The following ERCC1 variants were observed in gnomAD, a reference collection of about 807,000 sequenced individuals.
The protein encoded by ERCC1 is DNA excision repair protein ERCC-1.
Under a neutral mutation model 37.6 loss-of-function variants are expected in ERCC1, and 36 were observed. The ratio of observed to expected loss-of-function variants is 0.96; its 90% CI spans 0.73 to 1.26. ERCC1 has a LOEUF of 1.26. Ranked by LOEUF, ERCC1 falls within the 50% of genes most tolerant of loss-of-function variation. The pLI is 0.00. For synonymous variants in ERCC1, 156 were observed against 162.1 expected, an observed-to-expected ratio of 0.96 and a Z score of 0.28; for missense variants, 349 against 376.5, an observed-to-expected ratio of 0.93 and a Z score of 0.60.
chr19:45,444,427 A>G (rs925832689), intron 1 of ERCC1, among the ~76,000 whole-genome samples: 6 of 151,566 alleles, frequency 4.0e-5, no homozygotes, highest in Admixed American at 6.6e-5. Flanking sequence ...GCTGCGGCAA[A>G]ACACTGGTCT....
At chr19:45,429,823 C>T (rs1158091703) in intron 1 of ERCC1, among the ~76,000 whole-genome samples, 1 of 152,084 alleles carries the variant, frequency 6.6e-6, no homozygotes, top group African/African-American at 2.4e-5. Flanking sequence ...CTCGCTCTGT[C>T]ACCCAGGCTG....
In ERCC1 at chr19:45,413,979, A is replaced by C; in HGVS notation, c.758T>G (p.Leu253Arg). The change falls in exon 8 of 10, where the codon CTC becomes CGC. Residue 253 changes from leucine (L) to arginine (R), a missense_variant. Coordinates refer to ENST00000300853, the MANE Select transcript of ERCC1 (RefSeq NM_001983.4). The part of the protein sequence containing the change: ...KSVNKTDSQT[L>R]LTTFGSLEQL... Reference sequence around the variant, plus strand: ...ATTCCTTACTCCAAATGTGGTCAGGAGGGTCTGACTGTCCGTTTTGTTGAC... The same window carrying C: ...ATTCCTTACTCCAAATGTGGTCAGGCGGGTCTGACTGTCCGTTTTGTTGAC... 6.2e-7 allele frequency: 1 copy of C among 1,613,740 alleles called. No individual in the cohort carries two copies. Among genetic ancestry groups the C allele is most frequent in the African/African-American group, 1.3e-5 (1 of 74,956 alleles).
At chr19:45,430,968 G>A (rs1048401961) in intron 1 of ERCC1, among the ~76,000 whole-genome samples, 13 of 151,862 alleles carry the variant, frequency 8.6e-5, no homozygotes, top group Non-Finnish European at 1.5e-5. Flanking sequence ...ATAATACTTA[G>A]TTGGGGGGTG....
At chr19:45,428,045 T>TG (rs1424584456), upstream of ERCC1, among the ~76,000 whole-genome samples, 42 of 144,568 alleles carry the variant, frequency 2.9e-4, no homozygotes, top group Non-Finnish European at 4.8e-4. Context: ...ATTTCTACCC[T>TG]CAGTTTCTTT....
chr19:45,429,974 G>C (rs1445505843), intron 1 of ERCC1, among the ~76,000 whole-genome samples: 1 of 152,092 alleles, frequency 6.6e-6, no homozygotes, highest in African/African-American at 2.4e-5. Flanking sequence ...AGTAGAGATG[G>C]GGTTTCACCA....
At chr19:45,412,629 C>A (rs748797953) in intron 9 of ERCC1, among the ~76,000 whole-genome samples, 4 of 152,014 alleles carry the variant, frequency 2.6e-5, no homozygotes, top group Non-Finnish European at 4.4e-5. Context: ...CTCTTATCTT[C>A]TGATTATTGA....
upstream of ERCC1, among the ~76,000 whole-genome samples, chr19:45,426,960 A>C (rs1894268): frequency 0.18 from 7,843 of 43,572 alleles, 846 homozygotes; most frequent in African/African-American, 0.52. Flanking sequence ...AACTCCATCT[A>C]AAAAAAAAAA....
intron 9 of ERCC1, 41 bp from the exon 10 acceptor site, chr19:45,409,766 A>G (rs774900279): frequency 1.2e-5 from 9 of 760,932 alleles, no homozygotes; most frequent in Non-Finnish European, 1.7e-5. Flanking sequence ...CAGTCATTAA[A>G]GGAGCTGTTT....
At chr19:45,421,091 C>A in intron 3 of ERCC1, 87 bp downstream of exon 3, 1 of 1,133,118 alleles carries the variant, frequency 8.8e-7, no homozygotes. Flanking sequence ...GTGGCTGGAA[C>A]TCAGACCTCC....
intron 5 of ERCC1, among the ~76,000 whole-genome samples, chr19:45,418,044 T>A (rs1473891779): frequency 2.0e-5 from 3 of 151,546 alleles, no homozygotes; most frequent in Non-Finnish European, 4.4e-5. Context: ...CTGGGTAACA[T>A]AGCAAGACCC....
intron 1 of ERCC1, among the ~76,000 whole-genome samples, chr19:45,451,038 C>G (rs1033777105): frequency 9.2e-5 from 14 of 151,982 alleles, no homozygotes; most frequent in Admixed American, 7.9e-4. Context: ...GACAGACCGG[C>G]CCGCCGGGAG....
chr19:45,424,103 A>G, upstream of ERCC1: 2 of 1,029,110 alleles, frequency 1.9e-6, no homozygotes, highest in Non-Finnish European at 1.2e-6. Context: ...GAATCCTGGC[A>G]GGGCTCAGTG....
intron 4 of ERCC1, chr19:45,419,622 C>T (rs1441231622): frequency 8.0e-6 from 2 of 248,878 alleles, no homozygotes; most frequent in African/African-American, 4.4e-5. Flanking sequence ...TGGCTCTGCC[C>T]AGCAGTCTGC....
rs985826900 is a variant in ERCC1, at chr19:45,407,628, G to C, written c.*2047C>G. 2 of 273,896 alleles carry C rather than the reference G, an allele frequency of 7.3e-6. No individual in the cohort carries two copies. Among genetic ancestry groups the C allele is most frequent in the Admixed American group, 5.3e-5 (1 of 19,004 alleles). 17.0% of individuals were successfully genotyped at this position (273,896 alleles called of 1,614,324 possible). ...CTGCAGGCTTGGTGGAACATGTTCT[G>C]TATGGCCATAAATATTCTGTAATTA... On this transcript the variant is annotated 3_prime_UTR_variant, in exon 10 of 10. Transcript: ENST00000300853.
chr19:45,450,351 A>T (rs1967076244), intron 1 of ERCC1, among the ~76,000 whole-genome samples: 1 of 152,194 alleles, frequency 6.6e-6, no homozygotes, highest in African/African-American at 2.4e-5. Context: ...AGGCTAACCC[A>T]GCCTCCAATC....
upstream of ERCC1, among the ~76,000 whole-genome samples, chr19:45,426,577 A>G (rs1285463880): frequency 6.7e-6 from 1 of 149,102 alleles, no homozygotes; most frequent in Non-Finnish European, 1.5e-5. Flanking sequence ...ATTTTTTTTG[A>G]GACAAGGTCT....
In ERCC1 at chr19:45,448,973, C is replaced by T. The variant is rs117358729; in HGVS notation, c.-7-25592G>A. ...ATGCACATTAAATACGTTTATATAA[C>T]CTGCCCTCTGTGCAGAATCAAGGAG... On this transcript the variant is annotated intron_variant, in intron 1 of 8. Coordinates refer to the ERCC1 transcript ENST00000423698. Among the ~76,000 whole-genome samples the T allele has an allele frequency of 2.9e-3, 443 of 152,262 alleles. 2 individuals are homozygous for T. The highest frequency in any genetic ancestry group is 5.1e-3 in the Non-Finnish European group (348 of 68,026).
intron 6 of ERCC1, chr19:45,415,943 C>T (rs1047511867): frequency 3.3e-5 from 12 of 366,366 alleles, no homozygotes; most frequent in Non-Finnish European, 4.9e-5. Flanking sequence ...CAAGACCAGC[C>T]GGGACAACAT....
chr19:45,409,053 G>A lies in ERCC1; in HGVS notation c.*622C>T, dbSNP rs909941106. ...ATGAAGCCTCTGGAGTCCCCAGGGG[G>A]GACCATGGCGCCTCAACAGCCAGAA... is the stretch of plus-strand genomic sequence containing the variant. On this transcript the variant is annotated 3_prime_UTR_variant, in exon 10 of 10. Transcript: ENST00000300853. 6.2e-7 allele frequency: 1 copy of A among 1,613,678 alleles called. No homozygotes were observed. The highest frequency in any genetic ancestry group is 1.7e-5 in the Admixed American group (1 of 59,962).
Sources: allele counts gnomAD v4.1 joint callset (sites outside exome capture counted in the v4.1 genomes callset), GRCh38; gene constraint gnomAD v4.1.1; transcripts MANE v1.5; gene names NCBI Gene and HGNC (gene_info 2026-07-23, HGNC 2026-07-21).